ZAN: variants seen among roughly 807,000 people sequenced by gnomAD.
The protein encoded by ZAN is zonadhesin, also known as zonadhesin (gene/pseudogene).
A neutral mutation model predicts 286.2 loss-of-function variants in ZAN; 260 were observed. The ratio of observed to expected loss-of-function variants is 0.91; its 90% confidence interval spans 0.82 to 1.01. ZAN has a LOEUF of 1.01. Among genes scored for constraint, ZAN ranks in the 50% least tolerant of loss-of-function variants. The pLI is 0.00. For missense variants in ZAN, 3,410 were observed against 3,639.2 expected (o/e 0.94, Z 1.62); for synonymous variants, 1,368 against 1,417.5 (o/e 0.97, Z 0.79).
At chr7:100,747,507 G>A (rs751802350) in intron 8 of ZAN, 43 bp from the exon 9 acceptor site, 1 of 1,582,056 alleles carries the variant, frequency 6.3e-7, no homozygotes, top group Non-Finnish European at 8.7e-7. Flanking sequence ...TCGTTTCCCA[G>A]TCCCCTTAAG....
chr7:100,797,399 T>C lies in ZAN; in HGVS notation c.8300T>C (p.Leu2767Pro). 1 of 1,613,822 alleles carries C rather than the reference T, an allele frequency of 6.2e-7. No individual in the cohort carries two copies. The highest frequency in any genetic ancestry group is 8.5e-7 in the Non-Finnish European group (1 of 1,179,766). Residue 2767 changes from leucine (L) to proline (P), a missense_variant, in exon 46 of 48, where the codon CTG becomes CCG. By Grantham distance (98) the Leu-to-Pro change is moderately conservative (BLOSUM62 -3). Transcript: ENST00000613979. Reference sequence around the variant, plus strand: ...CTGGTGGGCGTCCTACTGGGACTGCTGGTGCCTGTGGTGGTCGTACTACTG... The same window carrying C: ...CTGGTGGGCGTCCTACTGGGACTGCCGGTGCCTGTGGTGGTCGTACTACTG... ...SNLVGVLLGLLVPVVVVLLAV... is the reference protein window; with the variant it reads ...SNLVGVLLGLPVPVVVVLLAV...
At chr7:100,764,558 C>T (rs182701101) in intron 22 of ZAN, among the ~76,000 whole-genome samples, 22 of 147,474 alleles carry the variant, frequency 1.5e-4, no homozygotes, top group East Asian at 2.0e-4. Flanking sequence ...TGTGTGGCAA[C>T]GGGTACCTGT....
chr7:100,758,095 A>G, intron 15 of ZAN, 107 bp from the exon 16 acceptor site: 1 of 473,522 alleles, frequency 2.1e-6, no homozygotes, highest in Non-Finnish European at 2.7e-6. Context: ...CAAATAAATA[A>G]ATAAATAAAT....
At chr7:100,750,594 C>T (rs1808584154) in intron 11 of ZAN, 31 bp from the exon 12 acceptor site, 3 of 1,609,556 alleles carry the variant, frequency 1.9e-6, no homozygotes, top group African/African-American at 2.7e-5. Flanking sequence ...GTGCAGGCTT[C>T]TTACCTTGCC....
intron 7 of ZAN, among the ~76,000 whole-genome samples, chr7:100,743,244 C>T (rs1007763367): frequency 6.6e-6 from 1 of 151,916 alleles, no homozygotes; most frequent in Non-Finnish European, 1.5e-5. Flanking sequence ...AGGGTGGTCT[C>T]GATCTTCTGA....
At chr7:100,761,132 G>A (rs988164987) in intron 19 of ZAN, among the ~76,000 whole-genome samples, 6 of 152,082 alleles carry the variant, frequency 3.9e-5, no homozygotes, top group African/African-American at 4.8e-5. Context: ...GACTTCAGGC[G>A]ATCCTCCTGC....
In ZAN at chr7:100,779,653, T is replaced by G. The variant is rs1365729399; in HGVS notation, c.6525T>G (p.Gly2175=). 1.3e-6 allele frequency: 2 copies of G among 1,582,664 alleles called. No homozygotes were observed. The highest frequency in any genetic ancestry group is 1.7e-6 in the Non-Finnish European group (2 of 1,164,644). Residue 2175 remains glycine, a synonymous_variant, in exon 35 of 48, where the codon GGT becomes GGG. Coordinates refer to ENST00000613979, the MANE Select transcript of ZAN (RefSeq NM_003386.3). ...DCANTLCEFG[G]LYQALCQALQ... is the part of the protein sequence containing the mutation. ...CAAACACCCTCTGTGAGTTCGGAGG[T>G]CTCTACCAGGCCCTCTGCCAGGCTC...
At chr7:100,767,740 AGTGCT>A in intron 25 of ZAN, 86 bp from the exon 26 acceptor site, 3 of 1,434,558 alleles carry the variant, frequency 2.1e-6, no homozygotes, top group Non-Finnish European at 2.8e-6. Flanking sequence ...GGCCTCCCAA[AGTGCT>A]GGGTTTGCAG....
chr7:100,781,239 T>C (rs1402048804), intron 35 of ZAN, among the ~76,000 whole-genome samples: 1 of 152,000 alleles, frequency 6.6e-6, no homozygotes, highest in African/African-American at 2.4e-5. Flanking sequence ...AGGTAATTTT[T>C]GTATTTTTAG....
intron 35 of ZAN, among the ~76,000 whole-genome samples, chr7:100,780,914 AC>A (rs1259050658): frequency 6.6e-6 from 1 of 151,262 alleles, no homozygotes; most frequent in Non-Finnish European, 1.5e-5. Flanking sequence ...ATATAATGAG[AC>A]CCCCGCATCG....
At position 100,737,298 on chromosome 7, in the gene ZAN, C is replaced by A. The variant is rs1284499924; in HGVS notation, c.562C>A (p.Leu188Met). ...FEGTRGSTAY[L>M]DIALDALSIR... ...GGGAACACGGGGTAGCACTGCCTACCTGGACATCGCCCTGGATGCCCTCTC... is the reference window on the plus strand; with the variant it reads ...GGGAACACGGGGTAGCACTGCCTACATGGACATCGCCCTGGATGCCCTCTC... The change falls in exon 6 of 48, where the codon CTG (leucine) becomes ATG (methionine). Residue 188 changes from leucine to methionine, a missense_variant. This residue lies in a region of ZAN where 872 missense variants were observed against 938.9 expected (regional missense o/e 0.93). Coordinates refer to ENST00000613979, the MANE Select transcript of ZAN (RefSeq NM_003386.3). 6.7e-6 allele frequency: 10 copies of A among 1,490,192 alleles called. 3 individuals are homozygous for A. The highest frequency in any genetic ancestry group is 7.3e-6 in the Non-Finnish European group (8 of 1,089,666). The allele number at this position is 1,490,192 out of a possible 1,614,324, so 92.3% of individuals were successfully genotyped here. A position where few individuals can be genotyped will look rare whatever the true frequency, so the allele number is the denominator to read the frequency against.
chr7:100,753,666 ATT>A (rs1808943529), intron 14 of ZAN, among the ~76,000 whole-genome samples: 8 of 131,724 alleles, frequency 6.1e-5, no homozygotes, highest in African/African-American at 1.9e-4. Flanking sequence ...CCACTTTAAA[ATT>A]AAAAAAAAAA....
chr7:100,780,079 G>A (rs1811101378), intron 35 of ZAN, among the ~76,000 whole-genome samples: 1 of 151,892 alleles, frequency 6.6e-6, no homozygotes, highest in East Asian at 1.9e-4. Context: ...TGTAATCCCA[G>A]CTACTCGGGA....
At position 100,752,598 on chromosome 7, in the gene ZAN, C is replaced by T. The variant is rs897907407; in HGVS notation, c.2493C>T (p.Thr831=). ...CTCTCCCCACTGAAGAAACCACCACCTCTGTTGAAGAGACTACCATCTCTA... is the reference window on the plus strand; with the variant it reads ...CTCTCCCCACTGAAGAAACCACCACTTCTGTTGAAGAGACTACCATCTCTA... ...KPTLPTEETT[T]SVEETTISTE... Residue 831 remains threonine (T), a synonymous_variant, in exon 14 of 48, where the codon ACC becomes ACT. Transcript: ENST00000613979. 6.2e-7 allele frequency: 1 copy of T among 1,612,586 alleles called. No individual in the cohort carries two copies. Among genetic ancestry groups the T allele is most frequent in the African/African-American group, 1.3e-5 (1 of 74,608 alleles).
chr7:100,786,535 A>C (rs1055564800), intron 37 of ZAN, among the ~76,000 whole-genome samples: 2 of 152,124 alleles, frequency 1.3e-5, no homozygotes, highest in South Asian at 4.1e-4. Flanking sequence ...CAGCCTCCCA[A>C]GTAGCTGGGA....
chr7:100,750,518 T>TC, intron 11 of ZAN, 107 bp from the exon 12 acceptor site: 22 of 1,313,228 alleles, frequency 1.7e-5, no homozygotes, highest in Non-Finnish European at 2.3e-5. Flanking sequence ...CCTGGGAAAT[T>TC]TGAGTGTTTG....
intron 11 of ZAN, among the ~76,000 whole-genome samples, chr7:100,749,415 C>CG: frequency 6.7e-6 from 1 of 150,198 alleles, no homozygotes; most frequent in East Asian, 2.0e-4. Context: ...CCAAGGAGGG[C>CG]GGATCACAAG....
rs767932499 is a variant in ZAN at position 100,789,211 on chromosome 7, T to A, written c.7228-7T>A. 3.2e-5 allele frequency: 52 copies of A among 1,612,356 alleles called. No homozygotes were observed. The highest frequency in any genetic ancestry group is 4.3e-5 in the Non-Finnish European group (51 of 1,179,230). On this transcript the variant is annotated splice_region_variant and splice_polypyrimidine_tract_variant and intron_variant, in intron 38 of 47. Coordinates refer to ENST00000613979, the MANE Select transcript of ZAN (RefSeq NM_003386.3). ...CCCTGTCTGTGGCTCCTGTCTTCCC[T>A]CTTTAGGTCAACAACCAGAAGATGG...
chr7:100,772,305 A>T (rs1474136587), intron 29 of ZAN, among the ~76,000 whole-genome samples: 2 of 146,616 alleles, frequency 1.4e-5, no homozygotes, highest in African/African-American at 2.5e-5. Flanking sequence ...GGTGGCAAGC[A>T]CCTGTAATCA....
Sources: allele counts gnomAD v4.1 joint callset (sites outside exome capture counted in the v4.1 genomes callset), GRCh38; gene constraint gnomAD v4.1.1; regional missense constraint gnomAD v4.1.1; transcripts MANE v1.5; gene names NCBI Gene and HGNC (gene_info 2026-07-23, HGNC 2026-07-21).